ASPRV1: variants seen among roughly 807,000 people sequenced by gnomAD.
ASPRV1 encodes aspartic peptidase retroviral like 1.
A neutral mutation model predicts 11.0 loss-of-function variants in ASPRV1; 7 were observed. The observed-to-expected ratio is 0.64, with a 90% CI of 0.36 to 1.20. The LOEUF (loss-of-function observed/expected upper bound fraction) is 1.20. Among genes scored for constraint, ASPRV1 ranks in the 50% most tolerant of loss-of-function variants. ASPRV1 has a pLI of 0.02. For missense variants in ASPRV1, 299 were observed against 320.0 expected (o/e 0.93, Z 0.50); for synonymous variants, 136 against 138.4 (o/e 0.98, Z 0.12).
the ASPRV1 span, among the ~76,000 whole-genome samples, chr2:70,069,865 G>GA: frequency 1.5e-4 from 22 of 149,068 alleles, no homozygotes; most frequent in East Asian, 2.0e-3. Flanking sequence ...AAGGAGGTTG[G>GA]AAAAAAAAAG....
At chr2:70,083,625 G>C in the ASPRV1 span, 41 of 152,180 alleles carry the variant, frequency 2.7e-4, no homozygotes, top group African/African-American at 9.2e-4. Context: ...CCATGTCTCA[G>C]TGGTTTCATC....
the ASPRV1 span, among the ~76,000 whole-genome samples, chr2:69,951,683 T>A: frequency 6.6e-6 from 1 of 151,754 alleles, no homozygotes; most frequent in African/African-American, 2.4e-5. Context: ...TTAAAAAAAA[T>A]ACTAAAGGAA....
the ASPRV1 span, among the ~76,000 whole-genome samples, chr2:70,075,811 T>C: frequency 6.6e-6 from 1 of 151,918 alleles, no homozygotes; most frequent in Non-Finnish European, 1.5e-5. Flanking sequence ...ATCACGCCAT[T>C]GCATTCCAGC....
At chr2:70,044,863 G>A in the ASPRV1 span, among the ~76,000 whole-genome samples, 5 of 152,104 alleles carry the variant, frequency 3.3e-5, no homozygotes, top group African/African-American at 2.4e-5. Flanking sequence ...CTCACCTCTG[G>A]CCCCATCACA....
At chr2:70,071,407 G>A in the ASPRV1 span, among the ~76,000 whole-genome samples, 4 of 152,194 alleles carry the variant, frequency 2.6e-5, no homozygotes, top group Non-Finnish European at 5.9e-5. Context: ...GTTTGCATGT[G>A]GAAGATGTAT....
the ASPRV1 span, chr2:70,012,158 AT>A: frequency 3.3e-3 from 455 of 138,826 alleles, no homozygotes; most frequent in Middle Eastern, 7.5e-3. Context: ...GATCAACATC[AT>A]TTTTTTTTTT....
the ASPRV1 span, among the ~76,000 whole-genome samples, chr2:70,008,684 G>A: frequency 6.6e-6 from 1 of 151,650 alleles, no homozygotes; most frequent in Non-Finnish European, 1.5e-5. Context: ...TGTATTTTAG[G>A]TGTGGCCCAG....
At chr2:69,970,828 C>G in the ASPRV1 span, 1 of 152,260 alleles carries the variant, frequency 6.6e-6, no homozygotes, top group Non-Finnish European at 1.5e-5. Context: ...CTTTGAATAT[C>G]AGGCCTGGCA....
At chr2:69,972,268 G>C in the ASPRV1 span, among the ~76,000 whole-genome samples, 1 of 151,482 alleles carries the variant, frequency 6.6e-6, no homozygotes, top group East Asian at 1.9e-4. Flanking sequence ...TCACTATGTT[G>C]GTCAGGCTGG....
chr2:70,041,370 C>T, the ASPRV1 span, among the ~76,000 whole-genome samples: 1 of 152,192 alleles, frequency 6.6e-6, no homozygotes, highest in East Asian at 1.9e-4. Context: ...AGCCAACTTC[C>T]ATTCCTGGTA....
At chr2:69,958,600 CCTT>C (rs1677991197), downstream of ASPRV1, among the ~76,000 whole-genome samples, 1 of 151,246 alleles carries the variant, frequency 6.6e-6, no homozygotes, top group Admixed American at 6.6e-5. Flanking sequence ...TACCCTCCCT[CCTT>C]CTACCCAGCA....
At chr2:70,020,990 T>C in the ASPRV1 span, among the ~76,000 whole-genome samples, 4 of 152,144 alleles carry the variant, frequency 2.6e-5, no homozygotes, top group Admixed American at 2.0e-4. Flanking sequence ...ACTTAAAAAT[T>C]TTATGTGTAT....
chr2:69,979,336 G>A, the ASPRV1 span, among the ~76,000 whole-genome samples: 3 of 152,102 alleles, frequency 2.0e-5, no homozygotes, highest in Non-Finnish European at 4.4e-5. Flanking sequence ...CCCGGCCAGG[G>A]ACGTTTGAGT....
chr2:70,037,949 G>A, the ASPRV1 span, among the ~76,000 whole-genome samples: 1 of 152,076 alleles, frequency 6.6e-6, no homozygotes, highest in African/African-American at 2.4e-5. Flanking sequence ...ATCCTTTCCT[G>A]CTGAAACCTA....
chr2:70,042,437 G>C, the ASPRV1 span, among the ~76,000 whole-genome samples: 1 of 152,182 alleles, frequency 6.6e-6, no homozygotes, highest in Admixed American at 6.5e-5. Context: ...GGAAAGTGTG[G>C]AAAGTCCCTG....
the ASPRV1 span, among the ~76,000 whole-genome samples, chr2:70,036,661 T>G: frequency 6.6e-6 from 1 of 152,174 alleles, no homozygotes; most frequent in Admixed American, 6.6e-5. Flanking sequence ...AGTGTCACTT[T>G]CTAAAGTAAT....
chr2:70,070,508 T>C, the ASPRV1 span: 1 of 152,150 alleles, frequency 6.6e-6, no homozygotes, highest in African/African-American at 2.4e-5. Flanking sequence ...CAAAGAAATG[T>C]CCTACTTGGC....
chr2:70,084,498 C>T, the ASPRV1 span, among the ~76,000 whole-genome samples: 1 of 152,148 alleles, frequency 6.6e-6, no homozygotes, highest in Non-Finnish European at 1.5e-5. Context: ...TGGATAAATT[C>T]CTTCACTAAT....
the ASPRV1 span, chr2:70,003,085 T>TGGAGAGGGAGTCAGAATCAG: frequency 6.6e-6 from 1 of 152,272 alleles, no homozygotes; most frequent in Non-Finnish European, 1.5e-5. Flanking sequence ...TTAAATCCTC[T>TGGAGAGGGAGTCAGAATCAG]GGAGAGGGAG....
Sources: gnomAD v4.1 joint callset for allele counts (sites outside exome capture counted in the v4.1 genomes callset) on GRCh38, gnomAD v4.1.1 for gene constraint, MANE v1.5 for transcripts, NCBI Gene and HGNC (gene_info 2026-07-23, HGNC 2026-07-21) for gene names.